The following OCA2 variants were observed in gnomAD, a reference collection of about 807,000 sequenced individuals.
OCA2 encodes the protein P protein.
A neutral mutation model predicts 100.2 loss-of-function variants in OCA2; 77 were observed. The observed-to-expected ratio is 0.77, with a 90% CI of 0.64 to 0.93. The LOEUF is 0.93. Among genes scored for constraint, OCA2 ranks in the 40% least tolerant of loss-of-function variants. The pLI, the probability that OCA2 is intolerant of heterozygous loss-of-function variation, is 0.00. For missense variants in OCA2, 1,062 were observed against 1,089.1 expected, an observed-to-expected ratio of 0.98 and a Z score of 0.35; for synonymous variants, 432 against 439.2, an observed-to-expected ratio of 0.98 and a Z score of 0.21.
chr15:28,069,592 CG>C (rs1291679178), intron 2 of OCA2, among the ~76,000 whole-genome samples: 2 of 140,154 alleles, frequency 1.4e-5, no homozygotes, highest in African/African-American at 2.9e-5. Context: ...TTGGTGGAGA[CG>C]GGGTTTCGCT....
intron 19 of OCA2, among the ~76,000 whole-genome samples, chr15:27,911,466 T>C (rs1451243557): frequency 6.6e-6 from 1 of 152,034 alleles, no homozygotes; most frequent in Non-Finnish European, 1.5e-5. Flanking sequence ...TGGCTCACAG[T>C]TCTGCAGGCT....
chr15:27,906,062 G>C (rs1015233609), intron 19 of OCA2, among the ~76,000 whole-genome samples: 2 of 152,162 alleles, frequency 1.3e-5, no homozygotes, highest in Admixed American at 1.3e-4. Context: ...GTTGTTTAAT[G>C]GGTACAAAAA....
intron 23 of OCA2, among the ~76,000 whole-genome samples, chr15:27,800,474 C>G (rs1429650435): frequency 2.0e-5 from 3 of 151,968 alleles, no homozygotes; most frequent in Non-Finnish European, 2.9e-5. Flanking sequence ...ACAGAAGACA[C>G]AAATTATCAA....
chr15:27,827,511 A>ATT (rs1326015262), intron 23 of OCA2, among the ~76,000 whole-genome samples: 1 of 151,942 alleles, frequency 6.6e-6, no homozygotes, highest in East Asian at 1.9e-4. Flanking sequence ...TCATCATACT[A>ATT]TTGGGTATTT....
downstream of OCA2, among the ~76,000 whole-genome samples, chr15:27,754,723 C>G (rs993889708): frequency 6.6e-6 from 1 of 152,188 alleles, no homozygotes; most frequent in African/African-American, 2.4e-5. Flanking sequence ...AATCATTACT[C>G]TAAGCTGTTA....
At chr15:27,951,715 G>T in intron 18 of OCA2, 69 bp downstream of exon 18, 1 of 1,146,454 alleles carries the variant, frequency 8.7e-7, no homozygotes, top group Non-Finnish European at 1.3e-6. Context: ...CAGTGTCTGG[G>T]AACAGGCTCT....
At chr15:27,998,571 AG>A (rs2041824125) in intron 9 of OCA2, among the ~76,000 whole-genome samples, 1 of 148,360 alleles carries the variant, frequency 6.7e-6, no homozygotes, top group Admixed American at 6.8e-5. Context: ...GAGGATGTGG[AG>A]AAATAGGAAC....
At chr15:27,932,348 C>T (rs896527813) in intron 18 of OCA2, among the ~76,000 whole-genome samples, 2 of 152,292 alleles carry the variant, frequency 1.3e-5, no homozygotes, top group Admixed American at 1.3e-4. Flanking sequence ...AAAATCACTG[C>T]AAGCCAAACC....
At chr15:27,797,588 C>T (rs936364576) in intron 23 of OCA2, among the ~76,000 whole-genome samples, 1 of 152,090 alleles carries the variant, frequency 6.6e-6, no homozygotes, top group Admixed American at 6.5e-5. Flanking sequence ...CACAGAAACA[C>T]TCTGGATGAT....
At chr15:28,044,930 TA>T (rs913789208) in intron 2 of OCA2, among the ~76,000 whole-genome samples, 22 of 152,252 alleles carry the variant, frequency 1.4e-4, no homozygotes, top group African/African-American at 5.3e-4. Context: ...ATGATTTTAA[TA>T]CTTAGAATTG....
chr15:28,037,187 G>A lies in OCA2; in HGVS notation c.228-5024C>T, dbSNP rs537194996. Among the ~76,000 whole-genome samples, 66 of 151,828 alleles carry A rather than the reference G, an allele frequency of 4.3e-4. No individual in the cohort carries two copies. In the South Asian group the frequency reaches 4.8e-3, roughly 11 times the overall value. On this transcript the variant is annotated intron_variant, in intron 2 of 23. Coordinates refer to ENST00000354638, the MANE Select transcript of OCA2 (RefSeq NM_000275.3). Reference sequence around the variant, plus strand: ...AAAAGAGCTGCTGGGAGTGGGACCAGCCTGGGAGTGGGACCAAGAGAAATC... The same window carrying A: ...AAAAGAGCTGCTGGGAGTGGGACCAACCTGGGAGTGGGACCAAGAGAAATC...
intron 14 of OCA2, among the ~76,000 whole-genome samples, chr15:27,971,555 T>A (rs1371784441): frequency 1.3e-5 from 2 of 152,138 alleles, no homozygotes; most frequent in African/African-American, 4.8e-5. Flanking sequence ...TAAGTGGTTG[T>A]CCATGTGGTG....
chr15:27,920,848 A>C (rs573664315), intron 19 of OCA2, among the ~76,000 whole-genome samples: 45 of 152,244 alleles, frequency 3.0e-4, no homozygotes, highest in Middle Eastern at 3.4e-3. Flanking sequence ...CTCATCAAAA[A>C]TTAAAATAGA....
intron 18 of OCA2, among the ~76,000 whole-genome samples, chr15:27,950,854 T>A (rs2040002176): frequency 6.6e-6 from 1 of 152,158 alleles, no homozygotes; most frequent in Non-Finnish European, 1.5e-5. Context: ...GCTGCACTCC[T>A]CAAATTTCAC....
chr15:27,992,176 C>T (rs2041579130), intron 9 of OCA2, among the ~76,000 whole-genome samples: 1 of 151,878 alleles, frequency 6.6e-6, no homozygotes. Flanking sequence ...CGTTGGCTCA[C>T]TGCAACCTCC....
intron 2 of OCA2, among the ~76,000 whole-genome samples, chr15:28,048,799 AGTT>A (rs149984623): frequency 0.09 from 13,648 of 152,120 alleles, 1,904 homozygotes; most frequent in African/African-American, 0.3. Context: ...TGAGTTCAGG[AGTT>A]TGAGACCAGC....
At chr15:27,750,270 T>C (rs1350253388), downstream of OCA2, among the ~76,000 whole-genome samples, 1 of 152,106 alleles carries the variant, frequency 6.6e-6, no homozygotes, top group Non-Finnish European at 1.5e-5. Context: ...AACCTGTATA[T>C]TGAAAAAGTT....
intron 2 of OCA2, among the ~76,000 whole-genome samples, chr15:28,054,878 C>T (rs2043639945): frequency 6.6e-6 from 1 of 152,274 alleles, no homozygotes; most frequent in South Asian, 2.1e-4. Context: ...TGTCCTTCTT[C>T]ACGTGGTGGG....
intron 19 of OCA2, among the ~76,000 whole-genome samples, chr15:27,916,248 G>A (rs1019608622): frequency 3.3e-5 from 5 of 152,046 alleles, no homozygotes; most frequent in African/African-American, 1.2e-4. Flanking sequence ...CAGGTCCTAC[G>A]CTTATTACCT....
Sources: allele counts gnomAD v4.1 joint callset (sites outside exome capture counted in the v4.1 genomes callset), GRCh38; gene constraint gnomAD v4.1.1; transcripts MANE v1.5; gene names NCBI Gene and HGNC (gene_info 2026-07-23, HGNC 2026-07-21).